HTR2B: variants seen among roughly 807,000 people sequenced by gnomAD.
HTR2B encodes the protein 5-hydroxytryptamine receptor 2B.
A neutral mutation model predicts 39.8 loss-of-function variants in HTR2B; 31 were observed. The ratio of observed to expected loss-of-function variants is 0.78; its 90% CI spans 0.58 to 1.05. HTR2B has a LOEUF of 1.05. Ranked by LOEUF, HTR2B falls within the 50% of genes least tolerant of loss-of-function variation. The pLI, the probability that HTR2B is intolerant of heterozygous loss-of-function variation, is 0.00. For synonymous variants in HTR2B, 210 were observed against 207.1 expected (o/e 1.01, Z -0.12); for missense variants, 562 against 578.0 (o/e 0.97, Z 0.28).
intron 2 of HTR2B, among the ~76,000 whole-genome samples, chr2:231,116,192 A>G (rs921628192): frequency 6.6e-6 from 1 of 152,188 alleles, no homozygotes; most frequent in African/African-American, 2.4e-5. Flanking sequence ...GCAGCTTCAA[A>G]GCGAACTAAC....
At chr2:231,122,148 T>C (rs1402702882) in intron 2 of HTR2B, among the ~76,000 whole-genome samples, 1 of 152,170 alleles carries the variant, frequency 6.6e-6, no homozygotes, top group South Asian at 2.1e-4. Context: ...AGAAAGACTG[T>C]TAATTATTAG....
intron 2 of HTR2B, among the ~76,000 whole-genome samples, chr2:231,119,238 A>G (rs866721001): frequency 1.3e-5 from 2 of 152,204 alleles, no homozygotes; most frequent in Middle Eastern, 3.2e-3. Flanking sequence ...TACTGCATAA[A>G]TGAATAACTG....
intron 2 of HTR2B, among the ~76,000 whole-genome samples, chr2:231,118,459 T>A (rs1411214937): frequency 1.3e-5 from 2 of 152,200 alleles, no homozygotes; most frequent in African/African-American, 4.8e-5. Context: ...TAACTTTCAA[T>A]TGAATTTGTC....
At chr2:231,120,189 T>C (rs1376334556) in intron 2 of HTR2B, among the ~76,000 whole-genome samples, 1 of 152,148 alleles carries the variant, frequency 6.6e-6, no homozygotes, top group Admixed American at 6.5e-5. Flanking sequence ...TGACCTCAGG[T>C]GATCCATCCG....
intron 2 of HTR2B, among the ~76,000 whole-genome samples, chr2:231,116,195 G>A (rs1450229279): frequency 5.9e-5 from 9 of 152,138 alleles, no homozygotes; most frequent in African/African-American, 1.4e-4. Flanking sequence ...GCTTCAAAGC[G>A]AACTAACAGT....
rs774474692 is a variant in HTR2B at position 231,123,749 on chromosome 2, TG to T, written c.15del (p.Tyr5Ter). Reference sequence around the variant, plus strand: ...ATTGTGCTTTGAAGTTCAGACACTCTGTAAGAGAGAGCCATTTGCTGTTTTT... The same window carrying T: ...ATTGTGCTTTGAAGTTCAGACACTCTTAAGAGAGAGCCATTTGCTGTTTTT... MALS[Y>X]RVSELQSTIP... On this transcript the variant is annotated frameshift_variant, in exon 2 of 4. Transcript: ENST00000258400. LOFTEE classifies it high-confidence loss of function. 2.5e-6 allele frequency: 4 copies of T among 1,613,654 alleles called. No homozygotes were observed. In the East Asian group the frequency reaches 8.9e-5, roughly 36 times the overall value.
intron 2 of HTR2B, among the ~76,000 whole-genome samples, chr2:231,117,556 A>G (rs1232538839): frequency 1.3e-5 from 2 of 152,168 alleles, no homozygotes; most frequent in African/African-American, 4.8e-5. Context: ...CTTATAGACA[A>G]TTGTTTAATT....
intron 3 of HTR2B, among the ~76,000 whole-genome samples, chr2:231,111,736 T>C (rs1440479711): frequency 1.3e-5 from 2 of 152,228 alleles, no homozygotes; most frequent in Non-Finnish European, 2.9e-5. Flanking sequence ...GTAAGAGTTC[T>C]TAAGCCAACT....
chr2:231,116,983 T>C (rs1463106613), intron 2 of HTR2B, among the ~76,000 whole-genome samples: 1 of 152,004 alleles, frequency 6.6e-6, no homozygotes, highest in Admixed American at 6.5e-5. Context: ...AAAAAGAGGC[T>C]TTTTTAAATG....
chr2:231,122,563 T>C (rs1695581603), intron 2 of HTR2B, among the ~76,000 whole-genome samples: 1 of 152,158 alleles, frequency 6.6e-6, no homozygotes, highest in South Asian at 2.1e-4. Context: ...TTAATGCTGA[T>C]TCCAAGGGTC....
In HTR2B at chr2:231,113,915, G is replaced by A. The variant is rs1695245991; in HGVS notation, c.367C>T (p.Leu123Phe). 1 of 1,613,994 alleles carries A rather than the reference G, an allele frequency of 6.2e-7. No individual in the cohort carries two copies. Among genetic ancestry groups the A allele is most frequent in the Admixed American group, 1.7e-5 (1 of 60,018 alleles). ...LTIMFEAMWP[L>F]PLVLCPAWLF... ...CAGGCAGGACATAGAACAAGTGGGA[G>A]GGGCCACATAGCCTCTGAAAGAAAC... Residue 123 changes from leucine to phenylalanine, a missense_variant, in exon 3 of 4, where the codon CTC (leucine) becomes TTC (phenylalanine). By Grantham distance (22) the Leu-to-Phe change is conservative. Transcript: ENST00000258400.
intron 2 of HTR2B, among the ~76,000 whole-genome samples, chr2:231,119,702 C>A (rs923524795): frequency 1.3e-5 from 2 of 151,924 alleles, no homozygotes; most frequent in Non-Finnish European, 2.9e-5. Context: ...AAAACCCCAT[C>A]TCTACTAAAA....
At chr2:231,113,057 G>A (rs1422135653) in intron 3 of HTR2B, among the ~76,000 whole-genome samples, 2 of 152,054 alleles carry the variant, frequency 1.3e-5, no homozygotes, top group African/African-American at 4.8e-5. Context: ...CCAGCTACCT[G>A]GGAGGCTGAG....
Position 231,108,830 on chromosome 2 carries a change from A to G in HTR2B, c.1133T>C (p.Leu378Ser). 1.2e-6 allele frequency: 2 copies of G among 1,614,120 alleles called. No individual in the cohort carries two copies. The highest frequency in any genetic ancestry group is 1.7e-5 in the Admixed American group (1 of 60,026). The change falls in exon 4 of 4, where the codon TTG becomes TCG. Residue 378 changes from leucine to serine, a missense_variant. Leu to Ser is a moderately radical substitution (Grantham distance 145, BLOSUM62 -2). Transcript: ENST00000258400. ...IGYVSSGVNP[L>S]VYTLFNKTFR... The stretch of plus-strand genomic sequence containing the variant: ...TGTCTTATTGAAGAGGGTGTAGACC[A>G]AAGGATTCACTCCTGAGGAAACATA...
chr2:231,109,044 T>C lies in HTR2B; in HGVS notation c.919A>G (p.Thr307Ala). The C allele has an allele frequency of 6.2e-7, 1 of 1,614,238 alleles. No individual in the cohort carries two copies. Among genetic ancestry groups the C allele is most frequent in the Non-Finnish European group, 8.5e-7 (1 of 1,180,024 alleles). The change falls in exon 4 of 4, where the codon ACA becomes GCA. Residue 307 changes from threonine (T) to alanine (A), a missense_variant. Coordinates refer to ENST00000258400, the MANE Select transcript of HTR2B (RefSeq NM_000867.5). ...GTCTGCACTGACTTTTTCCCAATTG[T>C]GGATGTTCTTCGCATAAGTGTTTCA... ...GDETLMRRTS[T>A]IGKKSVQTIS...
chr2:231,115,141 G>T (rs1266155956), intron 2 of HTR2B, among the ~76,000 whole-genome samples: 1 of 151,222 alleles, frequency 6.6e-6, no homozygotes, highest in South Asian at 2.1e-4. Context: ...ATTGTTAACT[G>T]TTTAAAATTT....
At chr2:231,118,409 G>C (rs1695417483) in intron 2 of HTR2B, among the ~76,000 whole-genome samples, 1 of 152,054 alleles carries the variant, frequency 6.6e-6, no homozygotes, top group African/African-American at 2.4e-5. Context: ...TGTACTTTCC[G>C]GGGGTGAGGG....
intron 3 of HTR2B, among the ~76,000 whole-genome samples, chr2:231,109,740 C>G (rs1389722299): frequency 6.6e-6 from 1 of 152,136 alleles, no homozygotes; most frequent in Non-Finnish European, 1.5e-5. Context: ...TAAGCTATCT[C>G]AGATTAAGGA....
chr2:231,111,331 C>T (rs1054067984), intron 3 of HTR2B, among the ~76,000 whole-genome samples: 2 of 152,184 alleles, frequency 1.3e-5, no homozygotes, highest in Admixed American at 6.5e-5. Flanking sequence ...TTATTTTTAT[C>T]TCTAGTTCAT....
Sources: gnomAD v4.1 joint callset for allele counts (sites outside exome capture counted in the v4.1 genomes callset) on GRCh38, gnomAD v4.1.1 for gene constraint, MANE v1.5 for transcripts, NCBI Gene and HGNC (gene_info 2026-07-23, HGNC 2026-07-21) for gene names.